Variants in VWA8 observed in about 807,000 individuals in gnomAD.
VWA8 encodes the protein von Willebrand factor A domain containing 8.
In VWA8, 221 loss-of-function variants were observed where a neutral mutation model predicts 241.5. The observed-to-expected ratio is 0.91, with a 90% CI of 0.82 to 1.02. VWA8 has a LOEUF of 1.02. VWA8 is among the 50% of genes least tolerant of loss of function. VWA8 has a pLI of 0.00. For synonymous variants in VWA8, 852 were observed against 827.1 expected, an observed-to-expected ratio of 1.03 and a Z score of -0.52; for missense variants, 2,322 against 2,328.7, an observed-to-expected ratio of 1.00 and a Z score of 0.06.
rs1873283592 is a variant in VWA8 at position 41,866,054 on chromosome 13, T to C, written c.1213-18A>G. 1 of 1,612,064 alleles carries C rather than the reference T, an allele frequency of 6.2e-7. No individual in the cohort carries two copies. The highest frequency in any genetic ancestry group is 1.1e-5 in the South Asian group (1 of 91,044). On this transcript the variant is annotated intron_variant, in intron 10 of 44. Coordinates refer to ENST00000379310, the MANE Select transcript of VWA8 (RefSeq NM_015058.2). ...GCTGGCACCTATAATTAAAGAGAGG[T>C]CAATATAACATGGCCAGATGTGGTG...
intron 9 of VWA8, among the ~76,000 whole-genome samples, chr13:41,878,903 AT>A (rs1287734248): frequency 6.6e-6 from 1 of 152,226 alleles, no homozygotes; most frequent in Non-Finnish European, 1.5e-5. Context: ...CTTGGTAAAG[AT>A]AAAGACCTTT....
chr13:41,645,149 G>A (rs1397189124), intron 37 of VWA8, among the ~76,000 whole-genome samples: 1 of 152,056 alleles, frequency 6.6e-6, no homozygotes, highest in Admixed American at 6.5e-5. Context: ...TCATTGTGGG[G>A]GTTAAAAATG....
rs78229717 is a variant in VWA8 at position 41,815,742 on chromosome 13, T to G, written c.1947+956A>C. Among the ~76,000 whole-genome samples the G allele has an allele frequency of 5.5e-3, 837 of 152,344 alleles. 25 individuals carry two copies. In the East Asian group the frequency reaches 0.068, roughly 12 times the overall value. On this transcript the variant is annotated intron_variant, in intron 16 of 44. Transcript: ENST00000379310. ...TCTTAAGCCATCAATTTATGGTAAC[T>G]TGTTACAATAGCAACAGGAAATTAC...
intron 21 of VWA8, among the ~76,000 whole-genome samples, chr13:41,744,629 T>C (rs1010373506): frequency 2.0e-5 from 3 of 152,210 alleles, no homozygotes; most frequent in East Asian, 1.9e-4. Flanking sequence ...TTAAATCTAA[T>C]TGAATAAGGA....
chr13:41,863,454 TTCACAC>T lies in VWA8; in HGVS notation c.1425+2276_1425+2281del, dbSNP rs1187132315. 2.5e-4 allele frequency among the ~76,000 whole-genome samples: 24 copies of T among 94,868 alleles called. 1 individual carries two copies. The highest frequency in any genetic ancestry group is 6.9e-4 in the African/African-American group (18 of 25,922). 62.2% of individuals were successfully genotyped at this position (94,868 alleles called of 152,430 possible). A position where few individuals can be genotyped will look rare whatever the true frequency, so the allele number is the denominator to read the frequency against. On this transcript the variant is annotated intron_variant, in intron 12 of 44. Transcript: ENST00000379310. ...GTGTGTATATATATATATATATATA[TTCACAC>T]ACACACACACACTATATATATTAGT...
intron 4 of VWA8, among the ~76,000 whole-genome samples, chr13:41,902,631 C>T (rs1875511888): frequency 6.6e-6 from 1 of 152,066 alleles, no homozygotes; most frequent in African/African-American, 2.4e-5. Flanking sequence ...ATCAAATGAG[C>T]ATTTATGACT....
chr13:41,729,493 T>C (rs902247104), intron 23 of VWA8, 49 bp downstream of exon 23: 3 of 1,568,734 alleles, frequency 1.9e-6, no homozygotes, highest in East Asian at 2.3e-5. Flanking sequence ...GATACAGAGA[T>C]ATAAACATTG....
chr13:41,878,734 C>T (rs1292184247), intron 9 of VWA8, among the ~76,000 whole-genome samples: 3 of 152,066 alleles, frequency 2.0e-5, no homozygotes, highest in Non-Finnish European at 4.4e-5. Flanking sequence ...CATTTTTCTA[C>T]GTTCCCCTTA....
At chr13:41,570,437 G>T in intron 44 of VWA8, 31 bp downstream of exon 44, 1 of 1,583,046 alleles carries the variant, frequency 6.3e-7, no homozygotes, top group Non-Finnish European at 8.7e-7. Flanking sequence ...CTCTGTACCT[G>T]CCCTTTTCTG....
chr13:41,664,460 T>G (rs1198962714), intron 37 of VWA8, among the ~76,000 whole-genome samples: 12 of 151,282 alleles, frequency 7.9e-5, no homozygotes, highest in African/African-American at 2.9e-4. Flanking sequence ...ATCTGGTTCT[T>G]TAGTTCAGTG....
intron 37 of VWA8, among the ~76,000 whole-genome samples, chr13:41,617,640 GC>G (rs2044629946): frequency 6.6e-6 from 1 of 151,108 alleles, no homozygotes; most frequent in South Asian, 2.1e-4. Flanking sequence ...CCCTCCCCCA[GC>G]CCCCCGCCCT....
chr13:41,912,787 A>G (rs1180889349), intron 2 of VWA8, among the ~76,000 whole-genome samples: 1 of 152,182 alleles, frequency 6.6e-6, no homozygotes, highest in Non-Finnish European at 1.5e-5. Context: ...TGAATAGAAG[A>G]CCACCCCATG....
chr13:41,959,493 C>CAAAA (rs59960898), intron 1 of VWA8, among the ~76,000 whole-genome samples: 1,468 of 76,398 alleles, frequency 0.019, 17 homozygotes, highest in Middle Eastern at 0.045. Context: ...TGAGAAAAAG[C>CAAAA]AAAAAAAAAA....
In VWA8 at chr13:41,877,034, T is replaced by C. The variant is rs996187532; in HGVS notation, c.1080+6353A>G. Among the ~76,000 whole-genome samples, 4 of 152,046 alleles carry C rather than the reference T, an allele frequency of 2.6e-5. No homozygotes were observed. The East Asian group carries it at 7.7e-4, about 29-fold the overall frequency. ...GGGTTCCAAGTATTTATCTTTAATATCAAAATACCTCTAGAACCAGGTCCA... is the reference window on the plus strand; with the variant it reads ...GGGTTCCAAGTATTTATCTTTAATACCAAAATACCTCTAGAACCAGGTCCA... On this transcript the variant is annotated intron_variant, in intron 9 of 44. Transcript: ENST00000379310.
chr13:41,898,871 C>T (rs1875279994), intron 4 of VWA8, among the ~76,000 whole-genome samples: 1 of 151,152 alleles, frequency 6.6e-6, no homozygotes, highest in African/African-American at 2.4e-5. Context: ...CCGGCTGCTC[C>T]GAGTGTGGGC....
chr13:41,938,353 T>C (rs1877444948), intron 2 of VWA8, among the ~76,000 whole-genome samples: 1 of 151,992 alleles, frequency 6.6e-6, no homozygotes, highest in South Asian at 2.1e-4. Flanking sequence ...AAGGACTCTA[T>C]TCTTAAAAAT....
In VWA8 at chr13:41,829,938, A is replaced by T. The variant is rs189585212; in HGVS notation, c.1700+591T>A. ...GCCCCAAAAACTATTGAAATAAAAA[A>T]TTTTTTTAAAAAAATCACTGTCGGC... On this transcript the variant is annotated intron_variant, in intron 14 of 44. Coordinates refer to ENST00000379310, the MANE Select transcript of VWA8 (RefSeq NM_015058.2). Among the ~76,000 whole-genome samples the T allele has an allele frequency of 1.6e-4, 25 of 152,164 alleles. No individual in the cohort carries two copies. The South Asian group carries it at 2.3e-3, about 14-fold the overall frequency.
intron 21 of VWA8, among the ~76,000 whole-genome samples, chr13:41,743,884 A>G (rs2045585717): frequency 6.6e-6 from 1 of 152,160 alleles, no homozygotes; most frequent in African/African-American, 2.4e-5. Flanking sequence ...GTTGCAATAG[A>G]TCTCCTTTAC....
intron 14 of VWA8, among the ~76,000 whole-genome samples, chr13:41,828,566 A>T (rs1350259184): frequency 6.6e-6 from 1 of 152,222 alleles, no homozygotes; most frequent in Admixed American, 6.5e-5. Context: ...AAATATCCAT[A>T]TATCATTCAC....
Sources: allele counts gnomAD v4.1 joint callset (sites outside exome capture counted in the v4.1 genomes callset), GRCh38; gene constraint gnomAD v4.1.1; transcripts MANE v1.5; gene names NCBI Gene and HGNC (gene_info 2026-07-23, HGNC 2026-07-21).